BAIAP2L2: variants seen among roughly 807,000 people sequenced by gnomAD.
BAIAP2L2 encodes BAR/IMD domain-containing adapter protein 2-like 2.
In BAIAP2L2, 65 loss-of-function variants were observed where a neutral mutation model predicts 60.4. The observed-to-expected ratio is 1.08, with a 90% CI of 0.88 to 1.32. BAIAP2L2 has a LOEUF of 1.32. Among genes scored for constraint, BAIAP2L2 ranks in the 40% most tolerant of loss-of-function variants. The pLI is 0.00. For missense variants in BAIAP2L2, 836 were observed against 741.2 expected (o/e 1.13, Z -1.48); for synonymous variants, 344 against 301.7 (o/e 1.14, Z -1.45).
At chr22:38,087,954 A>G (rs1038153495) in intron 10 of BAIAP2L2, among the ~76,000 whole-genome samples, 1 of 139,948 alleles carries the variant, frequency 7.1e-6, no homozygotes, top group Non-Finnish European at 1.5e-5. Flanking sequence ...CCAGACGCAC[A>G]TCCCCTGGTC....
intron 5 of BAIAP2L2, 49 bp from the exon 6 acceptor site, chr22:38,098,228 C>A (rs548050897): frequency 2.5e-6 from 4 of 1,580,860 alleles, no homozygotes; most frequent in Non-Finnish European, 3.5e-6. Context: ...CATCAGAGAG[C>A]TCAAGACACC....
Position 38,087,144 on chromosome 22 carries a change from G to C in BAIAP2L2, c.1239C>G (p.Pro413=). The C allele has an allele frequency of 3.2e-6, 5 of 1,587,140 alleles. No homozygotes were observed. Among genetic ancestry groups the C allele is most frequent in the Non-Finnish European group, 4.3e-6 (5 of 1,169,286 alleles). The part of the protein sequence containing the change: ...TSMSPMTPMN[P]GNELPSRSYP... Reference sequence around the variant, plus strand: ...GGTACCTGGAAGGCAGCTCGTTCCCGGGGTTCATGGGTGTCATGGGGGACA... The same window carrying C: ...GGTACCTGGAAGGCAGCTCGTTCCCCGGGTTCATGGGTGTCATGGGGGACA... The change falls in exon 11 of 14, where the codon CCC becomes CCG. Residue 413 remains proline, a synonymous_variant. Transcript: ENST00000381669.
At chr22:38,109,101 G>A (rs769019692) in intron 2 of BAIAP2L2, 32 bp downstream of exon 2, 14 of 1,575,320 alleles carry the variant, frequency 8.9e-6, no homozygotes, top group African/African-American at 5.4e-5. Flanking sequence ...GAGGCCCAGG[G>A]CTGGGGCTCG....
intron 2 of BAIAP2L2, 108 bp downstream of exon 2, chr22:38,109,025 G>C (rs1185997505): frequency 1.0e-6 from 1 of 970,086 alleles, no homozygotes; most frequent in East Asian, 2.4e-5. Flanking sequence ...GGAGGGTGTA[G>C]GGTTGAGGAT....
chr22:38,086,882 G>A, intron 11 of BAIAP2L2, among the ~76,000 whole-genome samples: 1 of 151,808 alleles, frequency 6.6e-6, no homozygotes, highest in East Asian at 1.9e-4. Flanking sequence ...TGTAATCCCA[G>A]CTACTCAGGA....
At position 38,089,430 on chromosome 22, in the gene BAIAP2L2, G is replaced by C. The variant is rs1242534344; in HGVS notation, c.765+92C>G. 4.3e-6 allele frequency: 3 copies of C among 703,376 alleles called. No homozygotes were observed. In the African/African-American group the frequency reaches 5.6e-5, roughly 13 times the overall value. 43.6% of individuals were successfully genotyped at this position (703,376 alleles called of 1,614,324 possible). On this transcript the variant is annotated intron_variant, in intron 8 of 13. Coordinates refer to ENST00000381669, the MANE Select transcript of BAIAP2L2 (RefSeq NM_025045.6). ...TGCAGCGTAGAGCGGGAGCCTGGGGGGCAGGAGGCTCCAGGCTGGGGGCCT... is the reference window on the plus strand; with the variant it reads ...TGCAGCGTAGAGCGGGAGCCTGGGGCGCAGGAGGCTCCAGGCTGGGGGCCT...
At chr22:38,106,081 C>T (rs1364804280) in intron 4 of BAIAP2L2, among the ~76,000 whole-genome samples, 1 of 152,176 alleles carries the variant, frequency 6.6e-6, no homozygotes, top group African/African-American at 2.4e-5. Context: ...AGGACAGGAA[C>T]CCACAGGCTC....
chr22:38,098,580 G>T, intron 4 of BAIAP2L2, 98 bp from the exon 5 acceptor site: 1 of 922,064 alleles, frequency 1.1e-6, no homozygotes. Flanking sequence ...TGCCCATCGT[G>T]CTCCTAATAT....
intron 5 of BAIAP2L2, 114 bp from the exon 6 acceptor site, chr22:38,098,293 A>G: frequency 6.9e-7 from 1 of 1,453,638 alleles, no homozygotes; most frequent in African/African-American, 1.4e-5. Flanking sequence ...AGCTGGGAAC[A>G]TGGATAATCT....
At chr22:38,106,699 C>T (rs895106453) in intron 4 of BAIAP2L2, among the ~76,000 whole-genome samples, 4 of 152,202 alleles carry the variant, frequency 2.6e-5, no homozygotes, top group Non-Finnish European at 5.9e-5. Flanking sequence ...CCAGGCCCCA[C>T]CCCACCTCTC....
intron 1 of BAIAP2L2, among the ~76,000 whole-genome samples, chr22:38,109,537 GC>G (rs1375577193): frequency 1.9e-4 from 29 of 152,288 alleles, no homozygotes; most frequent in Admixed American, 7.2e-4. Context: ...GCAGAAGCTG[GC>G]CCGCCTGCTG....
Position 38,085,389 on chromosome 22 carries a change from G to C in BAIAP2L2, c.1515-14C>G, listed in dbSNP as rs749314744. 2 of 1,612,004 alleles carry C rather than the reference G, an allele frequency of 1.2e-6. No homozygotes were observed. Among genetic ancestry groups the C allele is most frequent in the Non-Finnish European group, 1.7e-6 (2 of 1,178,468 alleles). On this transcript the variant is annotated splice_polypyrimidine_tract_variant and intron_variant, in intron 13 of 13. Transcript: ENST00000381669. ...GGATTTGTGCCCCTGTAGGAGGAGAGAGAGAATGGGGTGAGAAGGGCAGAT... is the reference window on the plus strand; with the variant it reads ...GGATTTGTGCCCCTGTAGGAGGAGACAGAGAATGGGGTGAGAAGGGCAGAT...
intron 7 of BAIAP2L2, among the ~76,000 whole-genome samples, chr22:38,092,954 G>T (rs2086341488): frequency 3.9e-5 from 6 of 151,998 alleles, no homozygotes; most frequent in Admixed American, 3.9e-4. Flanking sequence ...ATCACCTGAG[G>T]TCAGGAGTTC....
intron 1 of BAIAP2L2, among the ~76,000 whole-genome samples, chr22:38,110,085 GA>G (rs2086786889): frequency 8.8e-5 from 1 of 11,360 alleles, no homozygotes; most frequent in African/African-American, 3.0e-4. Flanking sequence ...GAGAGAGACA[GA>G]GAGAGAGAGA....
rs146751458 is a variant in BAIAP2L2 at position 38,095,823 on chromosome 22, T to C, written c.612+1209A>G. On this transcript the variant is annotated intron_variant, in intron 7 of 13. Coordinates refer to ENST00000381669, the MANE Select transcript of BAIAP2L2 (RefSeq NM_025045.6). ...AGTCACAAAGTGAGGTCACCACAGG[T>C]AGAGAGAAAAAAATAGTGCAATTTC... 2.3e-3 allele frequency among the ~76,000 whole-genome samples: 344 copies of C among 151,882 alleles called. 1 individual carries two copies. Among genetic ancestry groups the C allele is most frequent in the African/African-American group, 8.0e-3 (330 of 41,390 alleles).
Position 38,087,248 on chromosome 22 carries a change from C to G in BAIAP2L2, c.1135G>C (p.Glu379Gln), listed in dbSNP as rs774819763. 8.7e-6 allele frequency: 14 copies of G among 1,605,696 alleles called. No homozygotes were observed. In the South Asian group the frequency reaches 1.6e-4, roughly 18 times the overall value. Residue 379 changes from glutamate to glutamine, a missense_variant, in exon 11 of 14, where the codon GAG becomes CAG. Coordinates refer to ENST00000381669, the MANE Select transcript of BAIAP2L2 (RefSeq NM_025045.6). Reference protein sequence around the residue: ...EGSSASGWFPEAYVKALEEGP... With the variant: ...EGSSASGWFPQAYVKALEEGP... ...TCCTCCAGAGCCTTCACGTACGCCT[C>G]GGGGAACCAACCGCTCCTGTGGGGT...
At chr22:38,107,011 A>C (rs141622595) in intron 4 of BAIAP2L2, among the ~76,000 whole-genome samples, 126 of 152,302 alleles carry the variant, frequency 8.3e-4, no homozygotes, top group Admixed American at 2.3e-3. Context: ...GGGCCAGGGC[A>C]AACGGTTTAT....
chr22:38,091,010 G>C (rs1569220818), intron 7 of BAIAP2L2: 1 of 152,230 alleles, frequency 6.6e-6, no homozygotes, highest in Non-Finnish European at 1.5e-5. Context: ...CCTTTGTGCA[G>C]AAGTTTCAGA....
At chr22:38,090,962 A>C (rs2086284447) in intron 7 of BAIAP2L2, 1 of 152,246 alleles carries the variant, frequency 6.6e-6, no homozygotes, top group African/African-American at 2.4e-5. Context: ...CCCTGCAGTA[A>C]CTAATTAGCA....
Sources: gnomAD v4.1 joint callset for allele counts (sites outside exome capture counted in the v4.1 genomes callset) on GRCh38, gnomAD v4.1.1 for gene constraint, MANE v1.5 for transcripts, NCBI Gene and HGNC (gene_info 2026-07-23, HGNC 2026-07-21) for gene names.